The following ARB2A variants were observed in gnomAD, a reference collection of about 807,000 sequenced individuals.
The protein encoded by ARB2A is cotranscriptional regulator ARB2A.
At chr5:93,933,808 A>T in the ARB2A span, among the ~76,000 whole-genome samples, 10 of 152,114 alleles carry the variant, frequency 6.6e-5, no homozygotes, top group East Asian at 5.8e-4. Flanking sequence ...TAATAATAAT[A>T]AAAAAAGAAA....
At chr5:93,647,255 T>A in the ARB2A span, among the ~76,000 whole-genome samples, 1 of 152,060 alleles carries the variant, frequency 6.6e-6, no homozygotes, top group African/African-American at 2.4e-5. Context: ...AGACGGAGTC[T>A]TACTCTTTCA....
chr5:94,013,472 G>A, the ARB2A span, among the ~76,000 whole-genome samples: 23 of 152,018 alleles, frequency 1.5e-4, no homozygotes, highest in African/African-American at 3.6e-4. Flanking sequence ...CATCGTGCCC[G>A]GCCAGTAAGT....
chr5:93,852,304 T>A, the ARB2A span, among the ~76,000 whole-genome samples: 1 of 152,234 alleles, frequency 6.6e-6, no homozygotes, highest in Non-Finnish European at 1.5e-5. Context: ...TGGGGTTGTT[T>A]GTTTTTTTCT....
the ARB2A span, among the ~76,000 whole-genome samples, chr5:93,670,463 T>C: frequency 1.3e-5 from 2 of 152,346 alleles, no homozygotes; most frequent in East Asian, 3.9e-4. Flanking sequence ...AGAGTGATTC[T>C]ATGATTTTCA....
chr5:93,825,777 CAATGT>C, the ARB2A span, among the ~76,000 whole-genome samples: 1 of 151,788 alleles, frequency 6.6e-6, no homozygotes, highest in South Asian at 2.1e-4. Context: ...TTTGATAAAA[CAATGT>C]AATACTAAAA....
chr5:93,844,602 A>C, the ARB2A span, among the ~76,000 whole-genome samples: 1 of 152,226 alleles, frequency 6.6e-6, no homozygotes, highest in African/African-American at 2.4e-5. Context: ...GGACATTTAA[A>C]ATAAGAAATA....
chr5:94,021,207 T>C, the ARB2A span, among the ~76,000 whole-genome samples: 1 of 152,124 alleles, frequency 6.6e-6, no homozygotes, highest in South Asian at 2.1e-4. Context: ...ATTTTCATAA[T>C]AAAATGGAAA....
chr5:93,893,400 C>A, the ARB2A span, among the ~76,000 whole-genome samples: 6 of 152,144 alleles, frequency 3.9e-5, no homozygotes, highest in Admixed American at 3.9e-4. Flanking sequence ...TCTGCTTACA[C>A]TGGCAGACTG....
the ARB2A span, among the ~76,000 whole-genome samples, chr5:94,060,237 A>G: frequency 6.6e-6 from 1 of 152,100 alleles, no homozygotes; most frequent in Non-Finnish European, 1.5e-5. Flanking sequence ...CTATAATCTC[A>G]GCTACTCAGG....
the ARB2A span, among the ~76,000 whole-genome samples, chr5:93,648,331 A>G: frequency 1.3e-5 from 2 of 152,140 alleles, no homozygotes; most frequent in South Asian, 4.1e-4. Flanking sequence ...GTTAGTAAAA[A>G]CATAAGAATA....
At chr5:93,958,744 G>T in the ARB2A span, 1 of 1,361,230 alleles carries the variant, frequency 7.3e-7, no homozygotes, top group Non-Finnish European at 9.9e-7. Flanking sequence ...ACTATAAAAT[G>T]CCAAAAAAAA....
chr5:93,648,268 G>C, the ARB2A span, among the ~76,000 whole-genome samples: 1 of 151,840 alleles, frequency 6.6e-6, no homozygotes, highest in Non-Finnish European at 1.5e-5. Context: ...TGAAACTTCA[G>C]AGTGACAACA....
the ARB2A span, among the ~76,000 whole-genome samples, chr5:94,063,887 A>G: frequency 6.6e-6 from 1 of 152,196 alleles, no homozygotes; most frequent in Non-Finnish European, 1.5e-5. Flanking sequence ...AAAAAATTGG[A>G]AGAGTTGATT....
the ARB2A span, among the ~76,000 whole-genome samples, chr5:93,748,691 G>A: frequency 6.6e-6 from 1 of 151,892 alleles, no homozygotes. Context: ...GATAAATTGT[G>A]ATTTTTCTAT....
At chr5:93,900,966 T>G in the ARB2A span, among the ~76,000 whole-genome samples, 1 of 152,164 alleles carries the variant, frequency 6.6e-6, no homozygotes, top group African/African-American at 2.4e-5. Flanking sequence ...GAACTACTCT[T>G]AGGTTTATGT....
chr5:93,770,642 A>C, the ARB2A span, among the ~76,000 whole-genome samples: 1 of 152,180 alleles, frequency 6.6e-6, no homozygotes, highest in African/African-American at 2.4e-5. Context: ...CAAAAATCTC[A>C]AGCATTCTTA....
At chr5:93,951,965 G>A in the ARB2A span, among the ~76,000 whole-genome samples, 1 of 152,142 alleles carries the variant, frequency 6.6e-6, no homozygotes, top group South Asian at 2.1e-4. Flanking sequence ...GGGATAGCTG[G>A]TAAGATATGA....
chr5:93,749,560 T>C, the ARB2A span, among the ~76,000 whole-genome samples: 1 of 152,200 alleles, frequency 6.6e-6, no homozygotes, highest in Non-Finnish European at 1.5e-5. Context: ...TAATTCTCAA[T>C]ATAACCCAAT....
chr5:93,780,939 G>A, the ARB2A span, among the ~76,000 whole-genome samples: 62 of 152,170 alleles, frequency 4.1e-4, no homozygotes, highest in Non-Finnish European at 2.1e-4. Flanking sequence ...CTTAACCTTT[G>A]TTCTGTGTGC....
Sources: allele counts gnomAD v4.1 joint callset (sites outside exome capture counted in the v4.1 genomes callset), GRCh38; gene constraint gnomAD v4.1.1; transcripts MANE v1.5; gene names NCBI Gene and HGNC (gene_info 2026-07-23, HGNC 2026-07-21).